The following KDM4B variants were observed in gnomAD, a reference collection of about 807,000 sequenced individuals.
KDM4B encodes the protein lysine-specific demethylase 4B.
Under a neutral mutation model 125.2 loss-of-function variants are expected in KDM4B, and 32 were observed. The ratio of observed to expected loss-of-function variants is 0.26; its 90% confidence interval spans 0.19 to 0.34. The LOEUF (loss-of-function observed/expected upper bound fraction) is 0.34. Among genes scored for constraint, KDM4B ranks in the 10% least tolerant of loss-of-function variants. The probability of loss-of-function intolerance (pLI) is 1.00; values close to 1 mark genes in which losing one functional copy is unlikely to be tolerated. For missense variants in KDM4B, 1,190 were observed against 1,577.7 expected, an observed-to-expected ratio of 0.75 and a Z score of 4.16; for synonymous variants, 721 against 677.9, an observed-to-expected ratio of 1.06 and a Z score of -0.99.
intron 10 of KDM4B, chr19:5,113,316 T>G (rs1277631649): frequency 6.6e-6 from 1 of 151,434 alleles, no homozygotes; most frequent in Admixed American, 6.6e-5. Flanking sequence ...GCCTTCAGTA[T>G]GTAAAACAAG....
intron 11 of KDM4B, among the ~76,000 whole-genome samples, chr19:5,125,576 C>T (rs1443291505): frequency 3.3e-5 from 5 of 152,342 alleles, no homozygotes; most frequent in African/African-American, 9.6e-5. Context: ...CCGAGATCCC[C>T]GGGGGTCCAC....
Position 5,042,472 on chromosome 19 carries a change from C to T in KDM4B, c.432+1221C>T, listed in dbSNP as rs564506866. ...CCAAGATCGCGCCACTGCCCCGCAG[C>T]CTGGGCAAAAATGAGACTACGTCAC... On this transcript the variant is annotated intron_variant, in intron 5 of 22. Transcript: ENST00000159111. 5.7e-4 allele frequency among the ~76,000 whole-genome samples: 86 copies of T among 151,076 alleles called. 1 individual carries two copies. In the South Asian group the frequency reaches 0.017, roughly 31 times the overall value.
intron 1 of KDM4B, among the ~76,000 whole-genome samples, chr19:4,976,489 C>T (rs1489224931): frequency 2.6e-5 from 4 of 152,184 alleles, no homozygotes; most frequent in African/African-American, 9.7e-5. Context: ...CACGTCGAGC[C>T]GTGTACTCGG....
intron 3 of KDM4B, among the ~76,000 whole-genome samples, chr19:5,036,281 A>G (rs1440301742): frequency 1.3e-5 from 2 of 152,176 alleles, no homozygotes; most frequent in Non-Finnish European, 2.9e-5. Flanking sequence ...TTGGTTATAC[A>G]TCGCCCCTGC....
intron 9 of KDM4B, among the ~76,000 whole-genome samples, chr19:5,108,919 C>G (rs998716979): frequency 1.8e-4 from 28 of 152,190 alleles, no homozygotes; most frequent in African/African-American, 6.3e-4. Flanking sequence ...CTCTGCCCCC[C>G]ACGCCCCGAG....
intron 22 of KDM4B, among the ~76,000 whole-genome samples, chr19:5,151,023 T>TGTGG (rs1193195658): frequency 6.6e-6 from 1 of 152,130 alleles, no homozygotes; most frequent in African/African-American, 2.4e-5. Context: ...TGGGGGAGGT[T>TGTGG]CCTGGTCCTG....
At chr19:4,984,683 G>C (rs535516208) in intron 1 of KDM4B, among the ~76,000 whole-genome samples, 1 of 152,324 alleles carries the variant, frequency 6.6e-6, no homozygotes, top group East Asian at 1.9e-4. Flanking sequence ...GGGCCCTCGG[G>C]AGGGCTTGGG....
intron 9 of KDM4B, 31 bp from the exon 10 acceptor site, chr19:5,110,591 G>T (rs771075991): frequency 1.1e-5 from 18 of 1,610,790 alleles, no homozygotes; most frequent in Non-Finnish European, 1.4e-5. Context: ...CAGGTGTGGC[G>T]CGAGGGCTCA....
chr19:5,041,876 C>T lies in KDM4B; in HGVS notation c.432+625C>T, dbSNP rs116677268. Reference sequence around the variant, plus strand: ...GGAAGCTGTGACTGCCCTGAGGCCACGGCCAGCCTTGGCTCTGCCCTGCTT... The same window carrying T: ...GGAAGCTGTGACTGCCCTGAGGCCATGGCCAGCCTTGGCTCTGCCCTGCTT... On this transcript the variant is annotated intron_variant, in intron 5 of 22. Coordinates refer to ENST00000159111, the MANE Select transcript of KDM4B (RefSeq NM_015015.3). 2.7e-3 allele frequency among the ~76,000 whole-genome samples: 412 copies of T among 152,366 alleles called. 2 individuals carry two copies. Among genetic ancestry groups the T allele is most frequent in the African/African-American group, 9.4e-3 (389 of 41,582 alleles).
intron 1 of KDM4B, among the ~76,000 whole-genome samples, chr19:5,009,999 T>C (rs1247363407): frequency 2.0e-5 from 3 of 152,234 alleles, no homozygotes; most frequent in Admixed American, 1.3e-4. Context: ...CCCAAAGTGC[T>C]GGGATTACAG....
At chr19:5,006,968 C>T (rs1416477706) in intron 1 of KDM4B, among the ~76,000 whole-genome samples, 4 of 152,122 alleles carry the variant, frequency 2.6e-5, no homozygotes, top group Admixed American at 6.5e-5. Context: ...CAGAGCGGGC[C>T]CCAGCCACCT....
chr19:5,095,082 G>A (rs2038792608), intron 9 of KDM4B, among the ~76,000 whole-genome samples: 1 of 152,180 alleles, frequency 6.6e-6, no homozygotes, highest in Admixed American at 6.5e-5. Flanking sequence ...CCCCACGCCA[G>A]GATCGCTGTT....
chr19:5,043,918 G>A (rs1372285315), intron 5 of KDM4B, among the ~76,000 whole-genome samples: 7 of 142,332 alleles, frequency 4.9e-5, no homozygotes, highest in Non-Finnish European at 9.0e-5. Flanking sequence ...CTTATCCCGC[G>A]TGGTGTTTAT....
At chr19:5,116,520 A>G (rs1414771522) in intron 10 of KDM4B, among the ~76,000 whole-genome samples, 2 of 152,344 alleles carry the variant, frequency 1.3e-5, no homozygotes, top group East Asian at 1.9e-4. Flanking sequence ...CGAGAAAGCC[A>G]TGGGGTTGAG....
At position 5,021,189 on chromosome 19, in the gene KDM4B, G is replaced by A. The variant is rs147770912; in HGVS notation, c.-26+4850G>A. Reference sequence around the variant, plus strand: ...AAACACCCCTGGCTGCAGGCTTCGGGCGGCCCTGTGTCCTCCAGCTCTTGG... The same window carrying A: ...AAACACCCCTGGCTGCAGGCTTCGGACGGCCCTGTGTCCTCCAGCTCTTGG... On this transcript the variant is annotated intron_variant, in intron 2 of 22. Transcript: ENST00000159111. Among the ~76,000 whole-genome samples, 994 of 152,038 alleles carry A rather than the reference G, an allele frequency of 6.5e-3. 10 individuals carry two copies. Among genetic ancestry groups the A allele is most frequent in the African/African-American group, 0.023 (940 of 41,460 alleles).
chr19:5,033,090 A>C, intron 3 of KDM4B, 59 bp downstream of exon 3: 1 of 1,584,100 alleles, frequency 6.3e-7, no homozygotes, highest in Non-Finnish European at 8.6e-7. Context: ...GGGCCTGCGG[A>C]CATCCTGGGT....
intron 6 of KDM4B, among the ~76,000 whole-genome samples, chr19:5,065,488 G>A (rs1447501063): frequency 6.6e-6 from 1 of 152,218 alleles, no homozygotes; most frequent in African/African-American, 2.4e-5. Context: ...TGATGATTTA[G>A]AGCGATAGAA....
intron 1 of KDM4B, among the ~76,000 whole-genome samples, chr19:5,004,200 C>G (rs1156277656): frequency 6.6e-6 from 1 of 152,130 alleles, no homozygotes; most frequent in Non-Finnish European, 1.5e-5. Context: ...CTCCTAAGTC[C>G]TTTTCTTCTG....
At chr19:5,090,401 TCTCTC>T (rs2038657583) in intron 9 of KDM4B, among the ~76,000 whole-genome samples, 1 of 27,228 alleles carries the variant, frequency 3.7e-5, no homozygotes. Context: ...CCCCTCTCTC[TCTCTC>T]TCCCCCTCTC....
Sources: gnomAD v4.1 joint callset for allele counts (sites outside exome capture counted in the v4.1 genomes callset) on GRCh38, gnomAD v4.1.1 for gene constraint, MANE v1.5 for transcripts, NCBI Gene and HGNC (gene_info 2026-07-23, HGNC 2026-07-21) for gene names.